Variants in TTLL7 observed in about 807,000 individuals in gnomAD.
The protein encoded by TTLL7 is tubulin polyglutamylase TTLL7.
TTLL7 carries 53 observed loss-of-function variants against 120.2 expected under a neutral mutation model. The ratio of observed to expected loss-of-function variants is 0.44; its 90% CI spans 0.35 to 0.55. The LOEUF is 0.55. Among genes scored for constraint, TTLL7 ranks in the 20% least tolerant of loss-of-function variants. TTLL7 has a pLI of 0.00. For synonymous variants in TTLL7, 353 were observed against 351.7 expected (o/e 1.00, Z -0.04); for missense variants, 803 against 1,054.7 (o/e 0.76, Z 3.31).
Position 83,971,675 on chromosome 1 carries a change from A to G in TTLL7, c.-176-19288T>C, listed in dbSNP as rs74896401. Among the ~76,000 whole-genome samples the G allele has an allele frequency of 2.5e-3, 374 of 152,152 alleles. 1 individual carries two copies. Among genetic ancestry groups the G allele is most frequent in the Non-Finnish European group, 3.5e-3 (237 of 67,980 alleles). ...TCCATCATTGATCACTTTTGAACCCAGTAGTTTTGCAGGTCATTCAGACTT... is the reference window on the plus strand; with the variant it reads ...TCCATCATTGATCACTTTTGAACCCGGTAGTTTTGCAGGTCATTCAGACTT... On this transcript the variant is annotated intron_variant, in intron 1 of 20. Coordinates refer to ENST00000260505, the MANE Select transcript of TTLL7 (RefSeq NM_024686.6).
At chr1:83,890,162 C>G (rs1451490483) in intron 19 of TTLL7, among the ~76,000 whole-genome samples, 159 bp downstream of exon 19, 1 of 152,048 alleles carries the variant, frequency 6.6e-6, no homozygotes, top group Non-Finnish European at 1.5e-5. Context: ...TTATCTAAAT[C>G]AGCTTAATTG....
intron 19 of TTLL7, among the ~76,000 whole-genome samples, chr1:83,886,612 A>T (rs533811594): frequency 1.7e-4 from 26 of 152,132 alleles, no homozygotes; most frequent in Non-Finnish European, 2.8e-4. Context: ...ATTCTAAAAG[A>T]AAAGCTTTTA....
chr1:83,891,859 G>A (rs1236290378), intron 18 of TTLL7, among the ~76,000 whole-genome samples: 1 of 151,606 alleles, frequency 6.6e-6, no homozygotes, highest in Non-Finnish European at 1.5e-5. Flanking sequence ...GCAAGGTCTC[G>A]CTCTGTCACC....
chr1:83,956,976 C>G (rs1461796728), intron 1 of TTLL7, among the ~76,000 whole-genome samples: 1 of 152,032 alleles, frequency 6.6e-6, no homozygotes, highest in African/African-American at 2.4e-5. Context: ...ATGTTGATAA[C>G]CAAAATCATC....
chr1:83,890,824 T>G (rs1382608633), intron 18 of TTLL7, among the ~76,000 whole-genome samples: 1 of 152,124 alleles, frequency 6.6e-6, no homozygotes, highest in African/African-American at 2.4e-5. Flanking sequence ...CATGCATTTA[T>G]GAAACTTCAG....
In TTLL7 at chr1:83,938,016, T is replaced by C. The variant is rs1160190760; in HGVS notation, c.724A>G (p.Thr242Ala). The C allele has an allele frequency of 6.2e-7, 1 of 1,613,838 alleles. No individual in the cohort carries two copies. The highest frequency in any genetic ancestry group is 8.5e-7 in the Non-Finnish European group (1 of 1,179,786). ...KYIPPNESNLTQLYMHLTNYS... is the reference protein window; with the variant it reads ...KYIPPNESNLAQLYMHLTNYS... ...TTTGTCAGATGCATGTATAACTGGG[T>C]CTGTAACAAGTAAGAACCAAAGTTG... The change falls in exon 8 of 21, where the codon ACC becomes GCC. Residue 242 changes from threonine to alanine, a missense_variant and splice_region_variant. By Grantham distance (58) the Thr-to-Ala change is moderately conservative (BLOSUM62 0). Transcript: ENST00000260505.
intron 13 of TTLL7, 103 bp downstream of exon 13, chr1:83,919,584 GAAAGCATATCTT>G: frequency 1.1e-6 from 1 of 942,558 alleles, no homozygotes; most frequent in Non-Finnish European, 1.5e-6. Flanking sequence ...AAAGCTTGGG[GAAAGCATATCTT>G]AAAAGTAAAA....
At chr1:83,951,786 A>C in intron 3 of TTLL7, 59 bp downstream of exon 3, 2 of 1,545,756 alleles carry the variant, frequency 1.3e-6, no homozygotes, top group Non-Finnish European at 1.7e-6. Flanking sequence ...TGTTTTTAAC[A>C]CCAAATCAGT....
At chr1:83,941,912 G>T (rs975148969) in intron 7 of TTLL7, among the ~76,000 whole-genome samples, 1 of 152,126 alleles carries the variant, frequency 6.6e-6, no homozygotes, top group South Asian at 2.1e-4. Flanking sequence ...CTTCACATTG[G>T]TCAATGTAAG....
chr1:83,907,690 C>T (rs762011485), intron 15 of TTLL7, 29 bp from the exon 16 acceptor site: 7 of 1,592,566 alleles, frequency 4.4e-6, no homozygotes, highest in Non-Finnish European at 6.0e-6. Context: ...AGGGATACTA[C>T]AGTAGCAGTA....
chr1:83,889,682 C>A (rs1037300921), intron 19 of TTLL7, among the ~76,000 whole-genome samples: 2 of 152,102 alleles, frequency 1.3e-5, no homozygotes, highest in African/African-American at 4.8e-5. Flanking sequence ...AGATTCAACA[C>A]TGTACCTCCA....
chr1:83,966,968 C>T (rs2100556647), intron 1 of TTLL7, among the ~76,000 whole-genome samples: 1 of 152,058 alleles, frequency 6.6e-6, no homozygotes, highest in Middle Eastern at 3.2e-3. Context: ...AGAAGAGATT[C>T]AGAGGAGTCT....
intron 19 of TTLL7, among the ~76,000 whole-genome samples, chr1:83,888,223 T>A (rs1428371775): frequency 1.3e-5 from 2 of 151,922 alleles, no homozygotes; most frequent in African/African-American, 2.4e-5. Context: ...ATATATAGCA[T>A]CAAGCCAATG....
chr1:83,998,296 C>A (rs1004182947), intron 1 of TTLL7, among the ~76,000 whole-genome samples: 1 of 152,134 alleles, frequency 6.6e-6, no homozygotes, highest in African/African-American at 2.4e-5. Flanking sequence ...GTATTATTTC[C>A]TACCTCTCCT....
rs1871926 is a variant in TTLL7 at position 83,960,085 on chromosome 1, C to T, written c.-176-7698G>A. Among the ~76,000 whole-genome samples the T allele has an allele frequency of 5.0e-3, 755 of 152,084 alleles. 7 individuals carry two copies. The highest frequency in any genetic ancestry group is 0.016 in the African/African-American group (683 of 41,510). On this transcript the variant is annotated intron_variant, in intron 1 of 20. Coordinates refer to ENST00000260505, the MANE Select transcript of TTLL7 (RefSeq NM_024686.6). ...TAATTCTTAATATAAAGAATAAATA[C>T]GCAATTATCATGGTTTAGGCATTTG...
intron 20 of TTLL7, among the ~76,000 whole-genome samples, chr1:83,877,635 C>T (rs1654042454): frequency 6.6e-6 from 1 of 151,988 alleles, no homozygotes; most frequent in Admixed American, 6.6e-5. Context: ...TTGTTCGTAA[C>T]ATTTCCTTAT....
chr1:83,937,993 TG>T lies in TTLL7; in HGVS notation c.746del (p.Thr249LysfsTer5). On this transcript the variant is annotated frameshift_variant, in exon 8 of 21. Transcript: ENST00000260505. LOFTEE classifies it high-confidence loss of function. ...SNLTQLYMHL[T>X]NYSVNKHNEH... ...CATTATGCTTGTTCACGGAGTAGTT[TG>T]TCAGATGCATGTATAACTGGGTCTG... 6.2e-7 allele frequency: 1 copy of T among 1,614,060 alleles called. No individual in the cohort carries two copies. Among genetic ancestry groups the T allele is most frequent in the Non-Finnish European group, 8.5e-7 (1 of 1,179,930 alleles).
rs143741135 is a variant in TTLL7 at position 83,892,952 on chromosome 1, A to AAGAAAGAAAGAAAG, written c.2209-2472_2209-2471insCTTTCTTTCTTTCT. Among the ~76,000 whole-genome samples the AAGAAAGAAAGAAAG allele has an allele frequency of 3.5e-3, 458 of 129,054 alleles. 13 individuals carry two copies. Among genetic ancestry groups the AAGAAAGAAAGAAAG allele is most frequent in the African/African-American group, 0.014 (413 of 29,864 alleles). The allele number at this position is 129,054 out of a possible 152,430, so 84.7% of individuals were successfully genotyped here. A position where few individuals can be genotyped will look rare whatever the true frequency, so the allele number is the denominator to read the frequency against. ...AGAGAAAGAAAGAAAGAAAGAAAGA[A>AAGAAAGAAAGAAAG]AAGAATAAAAGAAAGAAAGAGAAAA... On this transcript the variant is annotated intron_variant, in intron 18 of 20. Transcript: ENST00000260505.
intron 1 of TTLL7, among the ~76,000 whole-genome samples, chr1:83,962,226 T>C (rs1650075584): frequency 6.6e-6 from 1 of 152,124 alleles, no homozygotes; most frequent in South Asian, 2.1e-4. Flanking sequence ...ACTTAACTCT[T>C]TAACTTTCCC....
Sources: gnomAD v4.1 joint callset for allele counts (sites outside exome capture counted in the v4.1 genomes callset) on GRCh38, gnomAD v4.1.1 for gene constraint, MANE v1.5 for transcripts, NCBI Gene and HGNC (gene_info 2026-07-23, HGNC 2026-07-21) for gene names.